ANKFN1: variants seen among roughly 807,000 people sequenced by gnomAD.
ANKFN1 encodes ankyrin repeat and fibronectin type-III domain-containing protein 1.
Under a neutral mutation model 108.7 loss-of-function variants are expected in ANKFN1, and 74 were observed. That is an observed-to-expected ratio of 0.68 (90% confidence interval 0.56 to 0.83). ANKFN1 has a LOEUF of 0.83. Ranked by LOEUF, ANKFN1 falls within the 40% of genes least tolerant of loss-of-function variation. The probability of loss-of-function intolerance (pLI) is 0.00; values close to 1 mark genes in which losing one functional copy is unlikely to be tolerated. For synonymous variants in ANKFN1, 547 were observed against 516.2 expected, an observed-to-expected ratio of 1.06 and a Z score of -0.81; for missense variants, 1,505 against 1,382.3, an observed-to-expected ratio of 1.09 and a Z score of -1.41.
At chr17:56,344,040 C>T (rs184517027) in intron 4 of ANKFN1, among the ~76,000 whole-genome samples, 24 of 151,940 alleles carry the variant, frequency 1.6e-4, no homozygotes, top group Admixed American at 1.3e-3. Flanking sequence ...ATATAAAGGT[C>T]TTTGTGTAGT....
At chr17:56,066,625 C>T (rs2143125032) in intron 4 of ANKFN1, among the ~76,000 whole-genome samples, 1 of 152,042 alleles carries the variant, frequency 6.6e-6, no homozygotes, top group East Asian at 1.9e-4. Context: ...TCATCTTAAC[C>T]ATTTTTAGGT....
chr17:56,358,237 G>A (rs768832700), intron 6 of ANKFN1, among the ~76,000 whole-genome samples: 1 of 152,042 alleles, frequency 6.6e-6, no homozygotes, highest in Non-Finnish European at 1.5e-5. Context: ...TTTTCACTAT[G>A]CCAACCAAGT....
chr17:56,485,761 A>G (rs1390950165), intron 18 of ANKFN1, among the ~76,000 whole-genome samples: 1 of 152,236 alleles, frequency 6.6e-6, no homozygotes, highest in Non-Finnish European at 1.5e-5. Flanking sequence ...CATAGAACAT[A>G]TACTTTGGGA....
At chr17:56,351,845 A>C (rs1261790483) in intron 5 of ANKFN1, among the ~76,000 whole-genome samples, 1 of 152,194 alleles carries the variant, frequency 6.6e-6, no homozygotes, top group East Asian at 1.9e-4. Flanking sequence ...TTTTGCAGGG[A>C]GTAATGGCAC....
At chr17:56,234,527 G>T (rs182357742) in intron 3 of ANKFN1, among the ~76,000 whole-genome samples, 1 of 151,596 alleles carries the variant, frequency 6.6e-6, no homozygotes, top group Non-Finnish European at 1.5e-5. Context: ...AGTAGGTCCC[G>T]GTGTCTGTTG....
intron 4 of ANKFN1, among the ~76,000 whole-genome samples, chr17:56,095,976 T>C (rs1437884959): frequency 6.6e-6 from 1 of 152,252 alleles, no homozygotes; most frequent in African/African-American, 2.4e-5. Context: ...CCAACCCTGC[T>C]GTTTATTGGT....
intron 4 of ANKFN1, among the ~76,000 whole-genome samples, chr17:56,146,097 G>A (rs1473862711): frequency 6.6e-6 from 1 of 152,208 alleles, no homozygotes; most frequent in Non-Finnish European, 1.5e-5. Context: ...CCAAAATCCA[G>A]TGGGGCAGTC....
intron 4 of ANKFN1, among the ~76,000 whole-genome samples, chr17:56,348,348 A>T (rs888081124): frequency 4.6e-5 from 7 of 152,200 alleles, no homozygotes; most frequent in Middle Eastern, 3.4e-3. Context: ...CCTGGACATT[A>T]CTAAGATTGA....
chr17:56,074,668 G>C (rs994656826), intron 4 of ANKFN1, among the ~76,000 whole-genome samples: 2 of 152,284 alleles, frequency 1.3e-5, no homozygotes, highest in African/African-American at 4.8e-5. Flanking sequence ...GGATTTAATT[G>C]CTGTTCCATC....
At chr17:56,312,466 C>T (rs1270850133) in intron 3 of ANKFN1, among the ~76,000 whole-genome samples, 1 of 152,160 alleles carries the variant, frequency 6.6e-6, no homozygotes, top group East Asian at 1.9e-4. Context: ...CTTTCACACT[C>T]CTTTAGTTGA....
At chr17:56,198,728 T>C (rs757385349) in intron 1 of ANKFN1, among the ~76,000 whole-genome samples, 2 of 152,238 alleles carry the variant, frequency 1.3e-5, no homozygotes, top group Non-Finnish European at 2.9e-5. Context: ...GATCCTTTCC[T>C]TCCCCGCTGA....
intron 4 of ANKFN1, among the ~76,000 whole-genome samples, chr17:56,055,600 CA>C (rs1904862862): frequency 3.0e-5 from 1 of 33,594 alleles, no homozygotes; most frequent in East Asian, 5.9e-4. Flanking sequence ...TATATATACA[CA>C]TTTTTTTATC....
chr17:56,261,195 T>G (rs1293342243), intron 3 of ANKFN1, among the ~76,000 whole-genome samples: 1 of 152,228 alleles, frequency 6.6e-6, no homozygotes, highest in Non-Finnish European at 1.5e-5. Context: ...TACTATATTT[T>G]GAACAATATT....
rs759230395 is a variant in ANKFN1 at position 56,353,972 on chromosome 17, A to G, written c.527A>G (p.Asp176Gly). ...AACAGCGAGGGCTTGACACCCCTGG[A>G]TATTGCCATCATGACCAACAATGTG... ...TPNSEGLTPL[D>G]IAIMTNNVPI... Residue 176 changes from aspartate (D) to glycine (G), a missense_variant, in exon 6 of 21, where the codon GAT (aspartate) becomes GGT (glycine). Coordinates refer to ENST00000682825, the MANE Select transcript of ANKFN1 (RefSeq NM_001370326.1). The G allele has an allele frequency of 1.2e-6, 2 of 1,613,996 alleles. No individual in the cohort carries two copies. Among genetic ancestry groups the G allele is most frequent in the Admixed American group, 1.7e-5 (1 of 59,978 alleles).
intron 4 of ANKFN1, among the ~76,000 whole-genome samples, chr17:56,117,005 A>G (rs914840386): frequency 6.6e-6 from 1 of 152,182 alleles, no homozygotes; most frequent in South Asian, 2.1e-4. Context: ...TCTTCAATAA[A>G]AAAGTTAAAA....
chr17:56,051,702 A>T lies in ANKFN1; in HGVS notation c.288+5377A>T, dbSNP rs970267012. 9.3e-4 allele frequency among the ~76,000 whole-genome samples: 131 copies of T among 140,592 alleles called. 3 individuals are homozygous for T. Among genetic ancestry groups the T allele is most frequent in the Non-Finnish European group, 1.5e-3 (98 of 64,532 alleles). The allele number at this position is 140,592 out of a possible 152,430, so 92.2% of individuals were successfully genotyped here. A position where few individuals can be genotyped will look rare whatever the true frequency, so the allele number is the denominator to read the frequency against. On this transcript the variant is annotated intron_variant, in intron 4 of 12. Transcript: ENST00000635860. The stretch of plus-strand genomic sequence containing the variant: ...CTCAGCCCAAAATCTCCTTAAGCTG[A>T]TAAGCAACTTCAGCAAAGTCTCAGG...
At chr17:56,443,511 A>G (rs192880426) in intron 10 of ANKFN1, among the ~76,000 whole-genome samples, 138 of 152,274 alleles carry the variant, frequency 9.1e-4, no homozygotes, top group Middle Eastern at 3.4e-3. Flanking sequence ...AGTCCATTGT[A>G]GCTCTCCTCT....
intron 20 of ANKFN1, among the ~76,000 whole-genome samples, chr17:56,508,786 ACTTT>A (rs1160222905): frequency 6.6e-6 from 1 of 152,152 alleles, no homozygotes; most frequent in Non-Finnish European, 1.5e-5. Context: ...ACAGATGCAT[ACTTT>A]CTTTATACAT....
chr17:56,404,413 G>C (rs1339678358), intron 8 of ANKFN1, among the ~76,000 whole-genome samples: 1 of 152,088 alleles, frequency 6.6e-6, no homozygotes. Flanking sequence ...TTGTCTTCGA[G>C]CTCTGAATTT....
Sources: gnomAD v4.1 joint callset for allele counts (sites outside exome capture counted in the v4.1 genomes callset) on GRCh38, gnomAD v4.1.1 for gene constraint, MANE v1.5 for transcripts, NCBI Gene and HGNC (gene_info 2026-07-23, HGNC 2026-07-21) for gene names.